The following AKR1C8 variants were observed in gnomAD, a reference collection of about 807,000 sequenced individuals.
AKR1C8 encodes aldo-keto reductase family 1 member C8.
the AKR1C8 span, among the ~76,000 whole-genome samples, chr10:5,167,311 G>A: frequency 2.0e-5 from 3 of 152,148 alleles, no homozygotes; most frequent in Non-Finnish European, 4.4e-5. Context: ...TATAAATCAT[G>A]CTGCTATAAA....
the AKR1C8 span, among the ~76,000 whole-genome samples, chr10:5,178,962 C>A: frequency 3.3e-5 from 5 of 152,098 alleles, no homozygotes; most frequent in Admixed American, 1.3e-4. Flanking sequence ...TTAATTGGAG[C>A]ATTTAGTCCA....
At chr10:5,120,044 G>A in the AKR1C8 span, among the ~76,000 whole-genome samples, 1 of 152,242 alleles carries the variant, frequency 6.6e-6, no homozygotes, top group East Asian at 1.9e-4. Flanking sequence ...CACCCACACT[G>A]AAGGTTGTTT....
chr10:5,166,941 A>G, the AKR1C8 span, among the ~76,000 whole-genome samples: 1 of 107,978 alleles, frequency 9.3e-6, no homozygotes, highest in Non-Finnish European at 2.3e-5. Context: ...CAAATTTACA[A>G]GAAAAAAAAA....
the AKR1C8 span, chr10:5,154,523 G>A: frequency 8.3e-5 from 17 of 205,866 alleles, no homozygotes; most frequent in Non-Finnish European, 1.6e-4. Flanking sequence ...AATGTGCCAG[G>A]AGTCATATTG....
At chr10:5,183,723 C>G in the AKR1C8 span, among the ~76,000 whole-genome samples, 97 of 152,196 alleles carry the variant, frequency 6.4e-4, 1 homozygote, top group African/African-American at 2.3e-3. Context: ...AGAGTGAGTT[C>G]TTGGTAAAAC....
At chr10:5,142,558 G>A in the AKR1C8 span, among the ~76,000 whole-genome samples, 1 of 152,092 alleles carries the variant, frequency 6.6e-6, no homozygotes, top group East Asian at 1.9e-4. Flanking sequence ...GGTCACTGTA[G>A]GGTTACAATT....
chr10:5,132,745 C>T, the AKR1C8 span: 2 of 1,495,418 alleles, frequency 1.3e-6, no homozygotes, highest in South Asian at 1.1e-5. Context: ...AATTTTGTAA[C>T]CTCCACAACT....
the AKR1C8 span, among the ~76,000 whole-genome samples, chr10:5,141,375 A>G: frequency 8.5e-5 from 13 of 152,252 alleles, no homozygotes; most frequent in South Asian, 2.3e-3. Flanking sequence ...GAGAGTTGTA[A>G]TTAACTTTTT....
At chr10:5,133,591 C>A in the AKR1C8 span, among the ~76,000 whole-genome samples, 1 of 152,056 alleles carries the variant, frequency 6.6e-6, no homozygotes, top group African/African-American at 2.4e-5. Context: ...CACTTCATTC[C>A]CAAGATTTAC....
At chr10:5,158,480 C>T in the AKR1C8 span, 2 of 376,198 alleles carry the variant, frequency 5.3e-6, no homozygotes, top group Non-Finnish European at 1.1e-5. Flanking sequence ...TACACCGTTG[C>T]TTTTCGCTTT....
At chr10:5,131,067 A>G in the AKR1C8 span, among the ~76,000 whole-genome samples, 2 of 152,090 alleles carry the variant, frequency 1.3e-5, no homozygotes, top group Non-Finnish European at 2.9e-5. Context: ...AAAGCAAACA[A>G]AAACATAAAT....
chr10:5,124,299 A>T, the AKR1C8 span, among the ~76,000 whole-genome samples: 1 of 152,314 alleles, frequency 6.6e-6, no homozygotes, highest in African/African-American at 2.4e-5. Flanking sequence ...TAGCAAAAAC[A>T]ATTCATGGGT....
chr10:5,163,841 C>T, the AKR1C8 span, among the ~76,000 whole-genome samples: 1 of 149,834 alleles, frequency 6.7e-6, no homozygotes, highest in Non-Finnish European at 1.5e-5. Flanking sequence ...CACAGATATG[C>T]CTTTGTCCCA....
chr10:5,148,809 T>A, the AKR1C8 span, among the ~76,000 whole-genome samples: 2 of 152,170 alleles, frequency 1.3e-5, no homozygotes, highest in African/African-American at 4.8e-5. Context: ...ATAGTGAGTA[T>A]GGGGTCCAGA....
chr10:5,134,974 C>T, the AKR1C8 span, among the ~76,000 whole-genome samples: 5 of 152,152 alleles, frequency 3.3e-5, no homozygotes, highest in Admixed American at 3.3e-4. Flanking sequence ...CAATGCAGAA[C>T]AAAGATTGAC....
At chr10:5,176,981 C>T in the AKR1C8 span, among the ~76,000 whole-genome samples, 1 of 152,026 alleles carries the variant, frequency 6.6e-6, no homozygotes, top group African/African-American at 2.4e-5. Flanking sequence ...CCTTCTCCTG[C>T]CTAATTGCCC....
chr10:5,131,996 G>T, the AKR1C8 span, among the ~76,000 whole-genome samples: 1 of 152,162 alleles, frequency 6.6e-6, no homozygotes, highest in African/African-American at 2.4e-5. Context: ...ATAGAATGGT[G>T]TATATGTAAA....
At chr10:5,123,372 A>C in the AKR1C8 span, 10 of 321,834 alleles carry the variant, frequency 3.1e-5, no homozygotes, top group African/African-American at 1.1e-4. Flanking sequence ...GCTGGGGATC[A>C]CTTGTGCATT....
the AKR1C8 span, among the ~76,000 whole-genome samples, chr10:5,138,494 T>G: frequency 6.6e-6 from 1 of 152,076 alleles, no homozygotes; most frequent in African/African-American, 2.4e-5. Flanking sequence ...TTTTTCAAGG[T>G]GCACTGATTT....
Sources: gnomAD v4.1 joint callset for allele counts (sites outside exome capture counted in the v4.1 genomes callset) on GRCh38, gnomAD v4.1.1 for gene constraint, MANE v1.5 for transcripts, NCBI Gene and HGNC (gene_info 2026-07-23, HGNC 2026-07-21) for gene names.